The following SYT1 variants were observed in gnomAD, a reference collection of about 807,000 sequenced individuals.
The protein encoded by SYT1 is synaptotagmin 1.
Under a neutral mutation model 44.8 loss-of-function variants are expected in SYT1, and 8 were observed. The ratio of observed to expected loss-of-function variants is 0.18; its 90% CI spans 0.10 to 0.32. The LOEUF (loss-of-function observed/expected upper bound fraction) is 0.32, where lower values mean the gene tolerates loss of function less well. SYT1 is among the 10% of genes least tolerant of loss of function. The pLI is 1.00. For missense variants in SYT1, 286 were observed against 509.3 expected, an observed-to-expected ratio of 0.56 and a Z score of 4.22; for synonymous variants, 154 against 188.8, an observed-to-expected ratio of 0.82 and a Z score of 1.51.
chr12:79,353,655 C>CT (rs1397368478), intron 9 of SYT1, 36 bp downstream of exon 9: 1 of 1,516,292 alleles, frequency 6.6e-7, no homozygotes, highest in Non-Finnish European at 9.2e-7. Context: ...TTTTCAAATG[C>CT]TGTTTCGTCG....
intron 9 of SYT1, among the ~76,000 whole-genome samples, chr12:79,355,239 C>A (rs1169667261): frequency 1.3e-5 from 2 of 152,122 alleles, no homozygotes; most frequent in African/African-American, 4.8e-5. Context: ...TTTTATGGGG[C>A]TTACAGTCAT....
chr12:78,929,190 G>A (rs1483160507), intron 1 of SYT1, among the ~76,000 whole-genome samples: 2 of 151,418 alleles, frequency 1.3e-5, no homozygotes, highest in South Asian at 4.2e-4. Context: ...TCACCTGAGG[G>A]CAGGAGTTCA....
chr12:79,212,797 T>G (rs2138542080), intron 3 of SYT1, among the ~76,000 whole-genome samples: 1 of 152,310 alleles, frequency 6.6e-6, no homozygotes, highest in South Asian at 2.1e-4. Context: ...TTAAATGTTA[T>G]TAGTAGAGTA....
intron 3 of SYT1, among the ~76,000 whole-genome samples, chr12:79,060,292 T>C (rs1022837176): frequency 1.3e-5 from 2 of 151,982 alleles, no homozygotes; most frequent in African/African-American, 2.4e-5. Context: ...GCTGTATCTT[T>C]AGCCATTTTT....
chr12:79,376,656 A>G (rs1331277350), intron 9 of SYT1, among the ~76,000 whole-genome samples: 1 of 152,192 alleles, frequency 6.6e-6, no homozygotes, highest in Non-Finnish European at 1.5e-5. Context: ...CCTATTTAAG[A>G]TGGAGTTGCT....
intron 1 of SYT1, among the ~76,000 whole-genome samples, chr12:78,872,198 C>T (rs989398311): frequency 3.3e-5 from 5 of 151,782 alleles, no homozygotes; most frequent in Admixed American, 1.3e-4. Flanking sequence ...GACAAAACTG[C>T]CCTGCTTTTA....
chr12:79,227,884 C>G (rs757445784), intron 4 of SYT1, among the ~76,000 whole-genome samples: 9 of 152,072 alleles, frequency 5.9e-5, no homozygotes, highest in Non-Finnish European at 1.0e-4. Flanking sequence ...TTAGAAAAAC[C>G]CTCTATTCAG....
At chr12:79,073,116 A>G (rs950164754) in intron 3 of SYT1, among the ~76,000 whole-genome samples, 9 of 151,756 alleles carry the variant, frequency 5.9e-5, no homozygotes, top group Admixed American at 1.3e-4. Flanking sequence ...TCTTTTTTTT[A>G]AAAAAAGACA....
At chr12:79,332,950 C>T (rs747749106) in intron 8 of SYT1, among the ~76,000 whole-genome samples, 14 of 152,134 alleles carry the variant, frequency 9.2e-5, no homozygotes, top group Admixed American at 3.9e-4. Flanking sequence ...ATGAAACTAT[C>T]CAGTAGATGC....
chr12:79,060,460 A>G (rs1170687654), intron 3 of SYT1, among the ~76,000 whole-genome samples: 3 of 152,010 alleles, frequency 2.0e-5, no homozygotes, highest in African/African-American at 7.2e-5. Flanking sequence ...CTCCGTACAT[A>G]TTAAACAGCA....
chr12:79,285,369 A>C (rs1380198709), intron 4 of SYT1, among the ~76,000 whole-genome samples: 1 of 152,192 alleles, frequency 6.6e-6, no homozygotes, highest in Non-Finnish European at 1.5e-5. Context: ...GGTACCTACC[A>C]ATTTATTTCC....
At chr12:79,114,987 A>G (rs565586827) in intron 3 of SYT1, among the ~76,000 whole-genome samples, 201 of 152,322 alleles carry the variant, frequency 1.3e-3, no homozygotes, top group African/African-American at 4.7e-3. Flanking sequence ...AAACATTCAC[A>G]GGACAATGTG....
At chr12:79,014,406 T>C (rs1036860212) in intron 2 of SYT1, among the ~76,000 whole-genome samples, 4 of 152,174 alleles carry the variant, frequency 2.6e-5, no homozygotes, top group African/African-American at 4.8e-5. Flanking sequence ...ATTTCTTCTC[T>C]TTGAAAATGC....
intron 2 of SYT1, among the ~76,000 whole-genome samples, chr12:79,026,697 ATAT>A (rs1872562641): frequency 1.4e-5 from 2 of 138,386 alleles, no homozygotes; most frequent in African/African-American, 2.7e-5. Context: ...ATATATATAT[ATAT>A]ATCACACTTT....
At chr12:79,008,833 C>A (rs1009927003) in intron 2 of SYT1, among the ~76,000 whole-genome samples, 2 of 152,150 alleles carry the variant, frequency 1.3e-5, no homozygotes, top group South Asian at 4.1e-4. Flanking sequence ...CTTTTCTCCA[C>A]ACCGTGTCTA....
chr12:78,980,919 G>C (rs769930977), intron 2 of SYT1, among the ~76,000 whole-genome samples: 50 of 152,146 alleles, frequency 3.3e-4, no homozygotes, highest in Non-Finnish European at 5.9e-4. Flanking sequence ...TGAGCCAGGG[G>C]GGAGAGGGAG....
At chr12:79,263,851 C>CT (rs921622069) in intron 4 of SYT1, among the ~76,000 whole-genome samples, 81 of 143,916 alleles carry the variant, frequency 5.6e-4, no homozygotes, top group African/African-American at 1.1e-3. Flanking sequence ...GGCTCTTAAG[C>CT]TTTTTTTTTT....
At chr12:78,964,157 C>T (rs1307384381) in intron 1 of SYT1, 1 of 151,840 alleles carries the variant, frequency 6.6e-6, no homozygotes, top group African/African-American at 2.4e-5. Context: ...AAAGGTAAGT[C>T]CCAAAAATAT....
intron 2 of SYT1, among the ~76,000 whole-genome samples, chr12:79,031,980 A>G (rs1438707613): frequency 6.6e-6 from 1 of 151,182 alleles, no homozygotes; most frequent in Non-Finnish European, 1.5e-5. Flanking sequence ...ATTGAAAATT[A>G]TTTTATGTCC....
Sources: allele counts gnomAD v4.1 joint callset (sites outside exome capture counted in the v4.1 genomes callset), GRCh38; gene constraint gnomAD v4.1.1; transcripts MANE v1.5; gene names NCBI Gene and HGNC (gene_info 2026-07-23, HGNC 2026-07-21).